OSCP1: variants seen among roughly 807,000 people sequenced by gnomAD.
OSCP1 encodes the protein organic solute carrier partner 1.
In OSCP1, 35 loss-of-function variants were observed where a neutral mutation model predicts 45.1. The observed-to-expected ratio is 0.78, with a 90% CI of 0.59 to 1.03. The LOEUF is 1.03. OSCP1 is among the 50% of genes least tolerant of loss of function. The pLI is 0.00. For missense variants in OSCP1, 400 were observed against 470.7 expected, an observed-to-expected ratio of 0.85 and a Z score of 1.39; for synonymous variants, 179 against 180.1, an observed-to-expected ratio of 0.99 and a Z score of 0.05.
Position 36,418,112 on chromosome 1 carries a change from G to A in OSCP1, c.*27C>T, listed in dbSNP as rs1260878513. ...GTCACCATCCAGCAGCCTCTCCCTG[G>A]GGGCAGAGGACGCCTGGTCAGAACA... On this transcript the variant is annotated 3_prime_UTR_variant, in exon 10 of 10. Transcript: ENST00000235532. 1 of 1,592,614 alleles carries A rather than the reference G, an allele frequency of 6.3e-7. No homozygotes were observed. Among genetic ancestry groups the A allele is most frequent in the African/African-American group, 1.3e-5 (1 of 74,630 alleles).
At chr1:36,421,496 T>C (rs1647613851) in intron 7 of OSCP1, among the ~76,000 whole-genome samples, 1 of 152,210 alleles carries the variant, frequency 6.6e-6, no homozygotes, top group Admixed American at 6.5e-5. Context: ...TGAATTCCTC[T>C]GGCACAGCAC....
chr1:36,444,061 C>T, intron 1 of OSCP1: 1 of 1,606,526 alleles, frequency 6.2e-7, no homozygotes, highest in Non-Finnish European at 8.5e-7. Context: ...AAAGAAAACA[C>T]CAGTTCATGA....
intron 2 of OSCP1, among the ~76,000 whole-genome samples, chr1:36,432,887 G>A (rs1157948818): frequency 1.3e-5 from 2 of 152,110 alleles, no homozygotes; most frequent in African/African-American, 2.4e-5. Context: ...TGGCAGCAGC[G>A]GAGTCCCAAA....
chr1:36,433,210 G>T (rs995928433), intron 2 of OSCP1, among the ~76,000 whole-genome samples: 3 of 152,234 alleles, frequency 2.0e-5, no homozygotes, highest in African/African-American at 7.2e-5. Context: ...GGGAGGAACT[G>T]GTGGGGACCA....
At position 36,438,866 on chromosome 1, in the gene OSCP1, C is replaced by T. The variant is rs1249188671; in HGVS notation, c.157G>A (p.Glu53Lys). 6.2e-7 allele frequency: 1 copy of T among 1,614,182 alleles called. No individual in the cohort carries two copies. The highest frequency in any genetic ancestry group is 1.3e-5 in the African/African-American group (1 of 75,050). Residue 53 changes from glutamate (E) to lysine (K), a missense_variant, in exon 2 of 10, where the codon GAG becomes AAG. Coordinates refer to ENST00000235532, the MANE Select transcript of OSCP1 (RefSeq NM_145047.5). ...AGCTCTTGAGGCTTGAATAATTCCT[C>T]CATAAACTTTCTATTGAACATGGTG... The part of the protein sequence containing the change: ...ISTMFNRKFM[E>K]ELFKPQELYS...
chr1:36,425,599 T>C (rs1647917059), intron 4 of OSCP1, among the ~76,000 whole-genome samples: 1 of 151,890 alleles, frequency 6.6e-6, no homozygotes. Flanking sequence ...CTGGGTGTGG[T>C]GGCATGTGCC....
At chr1:36,427,785 CTT>C (rs1648072129) in intron 4 of OSCP1, among the ~76,000 whole-genome samples, 1 of 152,100 alleles carries the variant, frequency 6.6e-6, no homozygotes, top group African/African-American at 2.4e-5. Flanking sequence ...TAATGAAAAA[CTT>C]AATCTTATTT....
intron 1 of OSCP1, among the ~76,000 whole-genome samples, chr1:36,440,520 C>G (rs903914812): frequency 5.9e-5 from 9 of 152,176 alleles, no homozygotes; most frequent in Admixed American, 5.9e-4. Flanking sequence ...AATCCATTAC[C>G]AACACAGGAT....
chr1:36,418,149 T>C lies in OSCP1; in HGVS notation c.1130A>G (p.Asp377Gly), dbSNP rs1647384145. Reference sequence around the variant, plus strand: ...GCCTGGTCAGAACAGCTATAACTCATCCATCATGGCGAGCAAATCGTCCCC... The same window carrying C: ...GCCTGGTCAGAACAGCTATAACTCACCCATCATGGCGAGCAAATCGTCCCC... ...SKGDDLLAMM[D>G]EL Residue 377 changes from aspartate (D) to glycine (G), a missense_variant, in exon 10 of 10, where the codon GAT (aspartate) becomes GGT (glycine). Asp to Gly is a moderately conservative substitution (Grantham distance 94). Coordinates refer to ENST00000235532, the MANE Select transcript of OSCP1 (RefSeq NM_145047.5). 1 of 1,614,112 alleles carries C rather than the reference T, an allele frequency of 6.2e-7. No homozygotes were observed.
intron 9 of OSCP1, 128 bp downstream of exon 9, chr1:36,418,863 A>C: frequency 1.4e-6 from 1 of 705,554 alleles, no homozygotes; most frequent in Non-Finnish European, 2.4e-6. Context: ...GGGAGGTGGA[A>C]GTTGCGGTAA....
At chr1:36,433,566 T>A (rs1648519399) in intron 2 of OSCP1, among the ~76,000 whole-genome samples, 1 of 152,172 alleles carries the variant, frequency 6.6e-6, no homozygotes, top group Admixed American at 6.6e-5. Flanking sequence ...ACCTGACTGA[T>A]GGGCTCACTT....
At chr1:36,442,792 T>C (rs1649280316) in intron 1 of OSCP1, among the ~76,000 whole-genome samples, 1 of 152,170 alleles carries the variant, frequency 6.6e-6, no homozygotes, top group South Asian at 2.1e-4. Flanking sequence ...CTCTGAATTA[T>C]TATCCTCATT....
chr1:36,438,521 CAAAT>C, intron 2 of OSCP1, among the ~76,000 whole-genome samples: 1 of 151,944 alleles, frequency 6.6e-6, no homozygotes, highest in East Asian at 1.9e-4. Context: ...ACAAATCAAA[CAAAT>C]AAAACCCAGC....
chr1:36,426,474 T>C (rs1570509718), intron 4 of OSCP1, among the ~76,000 whole-genome samples: 1 of 152,278 alleles, frequency 6.6e-6, no homozygotes, highest in East Asian at 1.9e-4. Flanking sequence ...CACTGACCCA[T>C]CCATCCCATT....
At chr1:36,437,446 G>A (rs1003907669) in intron 2 of OSCP1, among the ~76,000 whole-genome samples, 11 of 152,154 alleles carry the variant, frequency 7.2e-5, no homozygotes, top group Non-Finnish European at 1.5e-4. Flanking sequence ...CTACATTGCA[G>A]AGCTGAGATT....
At chr1:36,437,283 TATTATC>T (rs1423934891) in intron 2 of OSCP1, among the ~76,000 whole-genome samples, 1 of 151,184 alleles carries the variant, frequency 6.6e-6, no homozygotes, top group Non-Finnish European at 1.5e-5. Flanking sequence ...TTATTATTAT[TATTATC>T]ATTATTATTC....
At chr1:36,431,509 T>G (rs564003946) in intron 4 of OSCP1, among the ~76,000 whole-genome samples, 2 of 152,168 alleles carry the variant, frequency 1.3e-5, no homozygotes, top group South Asian at 4.1e-4. Context: ...GGTTTTGCAG[T>G]TGAGATCAGG....
intron 2 of OSCP1, among the ~76,000 whole-genome samples, chr1:36,435,105 T>C (rs1437013794): frequency 2.7e-5 from 4 of 148,030 alleles, no homozygotes; most frequent in African/African-American, 9.9e-5. Flanking sequence ...TTTTTTTTTT[T>C]TTTTTTGACA....
intron 3 of OSCP1, 27 bp from the exon 4 acceptor site, chr1:36,431,909 C>A: frequency 6.2e-7 from 1 of 1,606,658 alleles, no homozygotes; most frequent in South Asian, 1.1e-5. Context: ...GAAAGCAGCA[C>A]TTCACTTTCC....
Sources: gnomAD v4.1 joint callset for allele counts (sites outside exome capture counted in the v4.1 genomes callset) on GRCh38, gnomAD v4.1.1 for gene constraint, MANE v1.5 for transcripts, NCBI Gene and HGNC (gene_info 2026-07-23, HGNC 2026-07-21) for gene names.